The following BMP2K variants were observed in gnomAD, a reference collection of about 807,000 sequenced individuals.
BMP2K encodes BMP-2-inducible protein kinase.
Under a neutral mutation model 116.0 loss-of-function variants are expected in BMP2K, and 74 were observed. The observed-to-expected ratio is 0.64, with a 90% CI of 0.53 to 0.77. The LOEUF is 0.77. Among genes scored for constraint, BMP2K ranks in the 30% least tolerant of loss-of-function variants. The pLI, the probability that BMP2K is intolerant of heterozygous loss-of-function variation, is 0.00. For missense variants in BMP2K, 1,365 were observed against 1,403.6 expected, an observed-to-expected ratio of 0.97 and a Z score of 0.44; for synonymous variants, 486 against 502.5, an observed-to-expected ratio of 0.97 and a Z score of 0.44.
At chr4:78,873,694 G>T (rs1577948279) in intron 13 of BMP2K, among the ~76,000 whole-genome samples, 1 of 145,856 alleles carries the variant, frequency 6.9e-6, no homozygotes. Flanking sequence ...GTGTGTGTGT[G>T]TGTGTGTGTG....
intron 1 of BMP2K, among the ~76,000 whole-genome samples, chr4:78,823,550 TTATA>T (rs1414050443): frequency 6.8e-6 from 1 of 147,604 alleles, no homozygotes; most frequent in Non-Finnish European, 1.5e-5. Context: ...ATATATATAG[TTATA>T]TATAGTTATA....
intron 10 of BMP2K, among the ~76,000 whole-genome samples, chr4:78,870,401 A>C (rs925371777): frequency 1.3e-5 from 2 of 152,238 alleles, no homozygotes; most frequent in Admixed American, 6.5e-5. Context: ...AACTTTAAAG[A>C]ATAAGAATTT....
At chr4:78,841,440 C>T (rs1730754066) in intron 3 of BMP2K, among the ~76,000 whole-genome samples, 1 of 152,062 alleles carries the variant, frequency 6.6e-6, no homozygotes, top group African/African-American at 2.4e-5. Context: ...TAATATATAA[C>T]CTTCTCAGGG....
rs1332747607 is a variant in BMP2K at position 78,915,685 on chromosome 4, T to C, written c.*3652T>C. 1.3e-5 allele frequency: 2 copies of C among 151,966 alleles called. No individual in the cohort carries two copies. The highest frequency in any genetic ancestry group is 2.9e-5 in the Non-Finnish European group (2 of 67,892). The allele number at this position is 151,966 out of a possible 1,614,324, so 9.4% of individuals were successfully genotyped here. On this transcript the variant is annotated 3_prime_UTR_variant, in exon 16 of 16. Transcript: ENST00000502613. ...CTACTGTGGAGTTAATGTGAATTTTTAAAAAATGGAATTGCAACCACAATC... is the reference window on the plus strand; with the variant it reads ...CTACTGTGGAGTTAATGTGAATTTTCAAAAAATGGAATTGCAACCACAATC...
chr4:78,888,344 T>C (rs1292907089), intron 15 of BMP2K, among the ~76,000 whole-genome samples: 1 of 152,240 alleles, frequency 6.6e-6, no homozygotes, highest in Non-Finnish European at 1.5e-5. Context: ...TGTTCCCTTA[T>C]ACCCCCAATA....
At chr4:78,876,023 A>C (rs1236331303) in intron 13 of BMP2K, among the ~76,000 whole-genome samples, 1 of 152,060 alleles carries the variant, frequency 6.6e-6, no homozygotes, top group Non-Finnish European at 1.5e-5. Flanking sequence ...ATTCGGTTTC[A>C]CCCTTCGAAG....
At position 78,826,131 on chromosome 4, in the gene BMP2K, T is replaced by A. The variant is rs1729862209; in HGVS notation, c.273T>A (p.Val91=). ...MYVNNMPDLN[V]CKREITIMKE... is the part of the protein sequence containing the mutation. ...TCAATAACATGCCAGACCTCAATGT[T>A]TGTAAAAGGGAAATTACAATTATGG... The change falls in exon 2 of 16, where the codon GTT becomes GTA. Residue 91 remains valine (V), a synonymous_variant. Coordinates refer to ENST00000502613, the MANE Select transcript of BMP2K (RefSeq NM_198892.2). 5 of 1,613,366 alleles carry A rather than the reference T, an allele frequency of 3.1e-6. No homozygotes were observed. In the East Asian group the frequency reaches 1.1e-4, roughly 36 times the overall value.
chr4:78,815,844 C>T (rs911242739), intron 1 of BMP2K, among the ~76,000 whole-genome samples: 1 of 152,048 alleles, frequency 6.6e-6, no homozygotes, highest in African/African-American at 2.4e-5. Context: ...TTTAAGTACT[C>T]ATTAAGCATT....
intron 1 of BMP2K, among the ~76,000 whole-genome samples, chr4:78,816,621 C>G (rs1175188062): frequency 6.6e-6 from 1 of 152,160 alleles, no homozygotes; most frequent in Admixed American, 6.6e-5. Context: ...AAATAAAGTA[C>G]TGGTTAAGAC....
intron 1 of BMP2K, among the ~76,000 whole-genome samples, chr4:78,794,026 A>T (rs1193495008): frequency 1.3e-5 from 2 of 152,208 alleles, no homozygotes; most frequent in African/African-American, 2.4e-5. Context: ...GTTCATAAAC[A>T]TCCATGTGCA....
intron 9 of BMP2K, among the ~76,000 whole-genome samples, chr4:78,862,005 T>C (rs1013580546): frequency 2.0e-5 from 3 of 151,964 alleles, no homozygotes; most frequent in Non-Finnish European, 4.4e-5. Context: ...AGACTGAATC[T>C]GTTAATGATT....
intron 13 of BMP2K, among the ~76,000 whole-genome samples, chr4:78,875,805 GT>G (rs1454852250): frequency 6.6e-6 from 1 of 152,152 alleles, no homozygotes; most frequent in African/African-American, 2.4e-5. Flanking sequence ...GACTGCTTGA[GT>G]TTTCTCTTTG....
At chr4:78,865,280 T>A (rs535022912) in intron 9 of BMP2K, among the ~76,000 whole-genome samples, 15 of 152,332 alleles carry the variant, frequency 9.8e-5, no homozygotes, top group Non-Finnish European at 1.5e-5. Context: ...TTTCATCTCC[T>A]TAAGAGCAGT....
chr4:78,885,075 C>T lies in BMP2K; in HGVS notation c.1952-2099C>T, dbSNP rs189432508. 4.7e-4 allele frequency among the ~76,000 whole-genome samples: 72 copies of T among 152,208 alleles called. 1 individual carries two copies. Among genetic ancestry groups the T allele is most frequent in the Non-Finnish European group, 7.2e-4 (49 of 68,008 alleles). On this transcript the variant is annotated intron_variant, in intron 14 of 15. Transcript: ENST00000502613. ...ATGCAGTGTTGGATTTGAAAAGTAG[C>T]ACTTAAGTTTAGGAAGTTTTGTTTG...
chr4:78,821,852 C>G (rs955273773), intron 1 of BMP2K, among the ~76,000 whole-genome samples: 4 of 152,086 alleles, frequency 2.6e-5, no homozygotes, highest in Non-Finnish European at 4.4e-5. Flanking sequence ...TTTGCATTAT[C>G]TTTTTAAGTG....
At position 78,809,686 on chromosome 4, in the gene BMP2K, GT is replaced by G. The variant is rs77902658; in HGVS notation, c.179-16336del. On this transcript the variant is annotated intron_variant, in intron 1 of 15. Coordinates refer to ENST00000502613, the MANE Select transcript of BMP2K (RefSeq NM_198892.2). Reference sequence around the variant, plus strand: ...TGAGCCACTGTGCCTGGTTTAAAGTGTTTTTTTTTTTTTTTAAATAATTTCT... The same window carrying G: ...TGAGCCACTGTGCCTGGTTTAAAGTGTTTTTTTTTTTTTTAAATAATTTCT... Among the ~76,000 whole-genome samples the G allele has an allele frequency of 9.1e-3, 1,181 of 130,174 alleles. 11 individuals carry two copies. The highest frequency in any genetic ancestry group is 0.014 in the Non-Finnish European group (833 of 58,508). 85.4% of individuals were successfully genotyped at this position (130,174 alleles called of 152,430 possible). A position where few individuals can be genotyped will look rare whatever the true frequency, so the allele number is the denominator to read the frequency against.
At position 78,913,618 on chromosome 4, in the gene BMP2K, A is replaced by G. The variant is rs1341082091; in HGVS notation, c.*1585A>G. 6.6e-6 allele frequency: 1 copy of G among 152,144 alleles called. No homozygotes were observed. Among genetic ancestry groups the G allele is most frequent in the African/African-American group, 2.4e-5 (1 of 41,448 alleles). The allele number at this position is 152,144 out of a possible 1,614,324, so 9.4% of individuals were successfully genotyped here. A position where few individuals can be genotyped will look rare whatever the true frequency, so the allele number is the denominator to read the frequency against. ...CGATCTCAAAGTATATTTTACGAGT[A>G]ATTTTATTAGGAATCTCTTATAGTG... On this transcript the variant is annotated 3_prime_UTR_variant, in exon 16 of 16. Coordinates refer to ENST00000502613, the MANE Select transcript of BMP2K (RefSeq NM_198892.2).
At chr4:78,778,786 T>G (rs1312883214) in intron 1 of BMP2K, among the ~76,000 whole-genome samples, 1 of 152,218 alleles carries the variant, frequency 6.6e-6, no homozygotes, top group Non-Finnish European at 1.5e-5. Context: ...AATCAATAAT[T>G]GATGGGTCTG....
chr4:78,862,980 A>G (rs886646535), intron 9 of BMP2K, among the ~76,000 whole-genome samples: 1 of 152,142 alleles, frequency 6.6e-6, no homozygotes, highest in African/African-American at 2.4e-5. Flanking sequence ...TTTTTAAAAT[A>G]ATTAGTAAAT....
Sources: gnomAD v4.1 joint callset for allele counts (sites outside exome capture counted in the v4.1 genomes callset) on GRCh38, gnomAD v4.1.1 for gene constraint, MANE v1.5 for transcripts, NCBI Gene and HGNC (gene_info 2026-07-23, HGNC 2026-07-21) for gene names.